Variants in SNHG17 observed in about 807,000 individuals in gnomAD.
SNHG17 encodes small nucleolar RNA host gene 17.
At chr20:38,424,920 T>C (rs1386028313) in intron 5 of SNHG17, among the ~76,000 whole-genome samples, 2 of 152,150 alleles carry the variant, frequency 1.3e-5, no homozygotes, top group South Asian at 4.1e-4. Context: ...CATGTAACAA[T>C]AGCTTCTTAG....
At chr20:38,434,803 C>T (rs914827558) in intron 1 of SNHG17, 3 of 967,630 alleles carry the variant, frequency 3.1e-6, no homozygotes, top group Admixed American at 1.2e-4. Context: ...AACGAGTTAA[C>T]GGTCTCAAGG....
intron 5 of SNHG17, among the ~76,000 whole-genome samples, chr20:38,422,443 T>C (rs1024450489): frequency 6.6e-6 from 1 of 152,170 alleles, no homozygotes; most frequent in East Asian, 1.9e-4. Flanking sequence ...ACTGTCTCTA[T>C]TAGTACTTAC....
At chr20:38,432,167 C>T (rs1172782140) in intron 2 of SNHG17, 1 of 985,334 alleles carries the variant, frequency 1.0e-6, no homozygotes, top group Non-Finnish European at 1.2e-6. Context: ...GCACAGAAGC[C>T]ACCAGGTGGT....
At chr20:38,423,161 C>T (rs192538943) in intron 5 of SNHG17, among the ~76,000 whole-genome samples, 4 of 151,562 alleles carry the variant, frequency 2.6e-5, no homozygotes, top group Admixed American at 6.6e-5. Flanking sequence ...CTTTTGGAAG[C>T]GAAAGCAGAA....
chr20:38,433,175 C>T (rs1002375702), intron 2 of SNHG17, among the ~76,000 whole-genome samples: 1 of 152,070 alleles, frequency 6.6e-6, no homozygotes, highest in African/African-American at 2.4e-5. Flanking sequence ...GGGGTTTCAC[C>T]ATGTTGGCCA....
intron 3 of SNHG17, chr20:38,429,568 A>G (rs961343011): frequency 1.7e-4 from 64 of 367,982 alleles, no homozygotes; most frequent in African/African-American, 1.3e-3. Flanking sequence ...CCCTTCCCTC[A>G]TGTCTCACAA....
intron 3 of SNHG17, chr20:38,429,912 T>A (rs1431850877): frequency 4.5e-6 from 2 of 440,734 alleles, no homozygotes. Context: ...ACTTACAGCC[T>A]AAGATTACAG....
At chr20:38,427,238 C>T (rs562419086) in intron 3 of SNHG17, 11 of 416,012 alleles carry the variant, frequency 2.6e-5, no homozygotes, top group African/African-American at 1.0e-4. Context: ...GATGCCCCCC[C>T]GCACTGACTT....
chr20:38,423,998 C>G (rs778983333), intron 5 of SNHG17, among the ~76,000 whole-genome samples: 1 of 151,834 alleles, frequency 6.6e-6, no homozygotes, highest in Non-Finnish European at 1.5e-5. Flanking sequence ...ATGGTGAAAC[C>G]CCATCTCTAC....
At chr20:38,428,843 G>A (rs1322985020) in intron 3 of SNHG17, 1 of 152,252 alleles carries the variant, frequency 6.6e-6, no homozygotes, top group South Asian at 2.1e-4. Context: ...CAAGCTGGAG[G>A]GAAAATCCTC....
At chr20:38,422,260 C>T (rs1209247891) in intron 5 of SNHG17, 1 of 150,218 alleles carries the variant, frequency 6.7e-6, no homozygotes, top group Non-Finnish European at 1.5e-5. Flanking sequence ...TGCAAAGAAA[C>T]ATATTCCAGA....
intron 3 of SNHG17, among the ~76,000 whole-genome samples, chr20:38,427,094 A>G (rs2084262430): frequency 7.2e-6 from 1 of 139,110 alleles, no homozygotes; most frequent in Non-Finnish European, 1.6e-5. Flanking sequence ...CCAATATTGC[A>G]CTTATTCGAA....
chr20:38,423,003 A>G (rs1049676457), intron 5 of SNHG17, among the ~76,000 whole-genome samples: 2 of 151,274 alleles, frequency 1.3e-5, no homozygotes, highest in Non-Finnish European at 3.0e-5. Flanking sequence ...GAGGCAGGAG[A>G]ATCACTTGAA....
chr20:38,426,384 A>G (rs1277016801), intron 4 of SNHG17: 1 of 152,704 alleles, frequency 6.5e-6, no homozygotes, highest in Non-Finnish European at 1.5e-5. Flanking sequence ...CCTGAACACC[A>G]GTGCATTCTC....
exon 2 of SNHG17, chr20:38,434,561 T>G: frequency 6.2e-6 from 1 of 160,908 alleles, no homozygotes; most frequent in Admixed American, 5.8e-5. Flanking sequence ...CAGATCAGAG[T>G]GCTGCAGGAG....
chr20:38,428,915 A>C (rs1316645966), intron 3 of SNHG17: 1 of 152,282 alleles, frequency 6.6e-6, no homozygotes, highest in African/African-American at 2.4e-5. Flanking sequence ...TACAAGGCCA[A>C]GGCCAACAGA....
chr20:38,430,306 G>T (rs912509292), intron 3 of SNHG17, among the ~76,000 whole-genome samples: 12 of 149,940 alleles, frequency 8.0e-5, no homozygotes, highest in African/African-American at 3.0e-4. Context: ...GGGCAACAGA[G>T]ACTCCGTCTC....
chr20:38,432,003 C>T (rs1339907258), intron 2 of SNHG17: 8 of 985,336 alleles, frequency 8.1e-6, no homozygotes, highest in Non-Finnish European at 9.6e-6. Flanking sequence ...CCTCATAGAA[C>T]ACCATGGTCC....
At chr20:38,434,117 G>A in intron 2 of SNHG17, 1 of 430,804 alleles carries the variant, frequency 2.3e-6, no homozygotes, top group Non-Finnish European at 4.6e-6. Context: ...CACTTCACAG[G>A]CAGATTCCAT....
Sources: gnomAD v4.1 joint callset for allele counts (sites outside exome capture counted in the v4.1 genomes callset) on GRCh38, gnomAD v4.1.1 for gene constraint, MANE v1.5 for transcripts, NCBI Gene and HGNC (gene_info 2026-07-23, HGNC 2026-07-21) for gene names.